ASCC3: variants seen among roughly 807,000 people sequenced by gnomAD.
ASCC3 encodes activating signal cointegrator 1 complex subunit 3.
Under a neutral mutation model 256.3 loss-of-function variants are expected in ASCC3, and 158 were observed. The observed-to-expected ratio is 0.62, with a 90% CI of 0.54 to 0.70. ASCC3 has a LOEUF of 0.70. Among genes scored for constraint, ASCC3 ranks in the 30% least tolerant of loss-of-function variants. ASCC3 has a pLI of 0.00. For synonymous variants in ASCC3, 948 were observed against 883.4 expected (o/e 1.07, Z -1.30); for missense variants, 2,259 against 2,626.0 (o/e 0.86, Z 3.05).
chr6:100,608,120 ATATATACATATATATGTATATATATC>A (rs1773053536), intron 30 of ASCC3, among the ~76,000 whole-genome samples: 1 of 110,698 alleles, frequency 9.0e-6, no homozygotes, highest in African/African-American at 4.0e-5. Flanking sequence ...ATATATATCT[ATATATACATATATATGTATATATATC>A]TATATATACA....
chr6:100,791,258 A>C (rs1769337808), intron 8 of ASCC3, among the ~76,000 whole-genome samples: 1 of 151,914 alleles, frequency 6.6e-6, no homozygotes, highest in South Asian at 2.1e-4. Flanking sequence ...GAATAAACTG[A>C]GAATTTTAAA....
intron 36 of ASCC3, among the ~76,000 whole-genome samples, chr6:100,587,180 GCTTCT>G (rs1404594706): frequency 2.6e-5 from 4 of 151,992 alleles, no homozygotes; most frequent in African/African-American, 9.7e-5. Flanking sequence ...GCACCCTACA[GCTTCT>G]GTCTGACTAC....
chr6:100,591,559 A>T (rs1772000209), intron 34 of ASCC3, among the ~76,000 whole-genome samples: 1 of 152,042 alleles, frequency 6.6e-6, no homozygotes, highest in Admixed American at 6.6e-5. Flanking sequence ...AATTCAAAAC[A>T]CTAGTCAAAA....
At chr6:100,650,801 A>C (rs1043913356) in intron 19 of ASCC3, 87 bp from the exon 20 acceptor site, 2 of 1,064,340 alleles carry the variant, frequency 1.9e-6, no homozygotes, top group Non-Finnish European at 2.8e-6. Flanking sequence ...CATGTTTTTA[A>C]AGAGTTTCCA....
intron 4 of ASCC3, among the ~76,000 whole-genome samples, chr6:100,817,613 T>TA (rs35771171): frequency 6.6e-6 from 1 of 151,386 alleles, no homozygotes; most frequent in Non-Finnish European, 1.5e-5. Context: ...TTGAAAGAAG[T>TA]AAAAAAAGAT....
intron 4 of ASCC3, among the ~76,000 whole-genome samples, chr6:100,813,409 G>T (rs1384193836): frequency 6.6e-6 from 1 of 151,620 alleles, no homozygotes; most frequent in African/African-American, 2.4e-5. Flanking sequence ...GTGAGCTGAG[G>T]TTGTGCCATT....
rs1281659979 is a variant in ASCC3 at position 100,805,801 on chromosome 6, A to C, written c.881T>G (p.Phe294Cys). Reference sequence around the variant, plus strand: ...CCTATGATCATTTGAAGAATTAAGAAATCTATCCACAATTGTAATTCTGTT... The same window carrying C: ...CCTATGATCATTTGAAGAATTAAGACATCTATCCACAATTGTAATTCTGTT... ...LQNRITIVDR[F>C]LNSSNDHRFQ... is the part of the protein sequence containing the mutation. Residue 294 changes from phenylalanine (F) to cysteine (C), a missense_variant, in exon 5 of 42, where the codon TTT (phenylalanine) becomes TGT (cysteine). Coordinates refer to ENST00000369162, the MANE Select transcript of ASCC3 (RefSeq NM_006828.4). 1 of 1,611,472 alleles carries C rather than the reference A, an allele frequency of 6.2e-7. No individual in the cohort carries two copies. The highest frequency in any genetic ancestry group is 8.5e-7 in the Non-Finnish European group (1 of 1,178,632).
rs371769401 is a variant in ASCC3, at chr6:100,848,105, A to G, written c.801+43T>C. The G allele has an allele frequency of 2.7e-6, 4 of 1,503,994 alleles. No individual in the cohort carries two copies. The African/African-American group carries it at 5.6e-5, about 21-fold the overall frequency. The allele number at this position is 1,503,994 out of a possible 1,614,324, so 93.2% of individuals were successfully genotyped here. A position where few individuals can be genotyped will look rare whatever the true frequency, so the allele number is the denominator to read the frequency against. On this transcript the variant is annotated intron_variant, in intron 4 of 41. Coordinates refer to ENST00000369162, the MANE Select transcript of ASCC3 (RefSeq NM_006828.4). ...GTTTAAAAAACACTATTTCATTAGG[A>G]TAGTTCACATTAATATAAAAAAATA...
At chr6:100,826,817 A>G (rs943369088) in intron 4 of ASCC3, among the ~76,000 whole-genome samples, 1 of 152,222 alleles carries the variant, frequency 6.6e-6, no homozygotes, top group Admixed American at 6.5e-5. Flanking sequence ...TACTAATTCC[A>G]TCTAAACTGT....
At chr6:100,510,560 G>C (rs1435288549) in intron 40 of ASCC3, among the ~76,000 whole-genome samples, 1 of 152,078 alleles carries the variant, frequency 6.6e-6, no homozygotes, top group Non-Finnish European at 1.5e-5. Context: ...ATCAAGACTA[G>C]ACTCTGGACC....
intron 8 of ASCC3, among the ~76,000 whole-genome samples, chr6:100,778,512 AG>A (rs1332055363): frequency 6.6e-6 from 1 of 152,144 alleles, no homozygotes; most frequent in Non-Finnish European, 1.5e-5. Flanking sequence ...TTTAGTTGTT[AG>A]AAATCTTCTT....
At chr6:100,790,783 T>A (rs1264999280) in intron 8 of ASCC3, among the ~76,000 whole-genome samples, 2 of 151,974 alleles carry the variant, frequency 1.3e-5, no homozygotes, top group Non-Finnish European at 2.9e-5. Context: ...TTTGTTTGAT[T>A]ACTTTACTCC....
At chr6:100,585,134 T>C (rs1229453211) in intron 36 of ASCC3, among the ~76,000 whole-genome samples, 2 of 152,344 alleles carry the variant, frequency 1.3e-5, no homozygotes. Flanking sequence ...CCTGCCTTGC[T>C]AGATTGGGGA....
intron 3 of ASCC3, among the ~76,000 whole-genome samples, chr6:100,852,266 A>C (rs1772718511): frequency 6.6e-6 from 1 of 152,178 alleles, no homozygotes; most frequent in African/African-American, 2.4e-5. Flanking sequence ...CCTCAACAAA[A>C]ATGTAATTGG....
chr6:100,833,782 C>T (rs568559039), intron 4 of ASCC3, among the ~76,000 whole-genome samples: 3 of 152,180 alleles, frequency 2.0e-5, no homozygotes, highest in Non-Finnish European at 2.9e-5. Flanking sequence ...TGGCAGGACG[C>T]GCGCTTTTAA....
At chr6:100,602,376 C>A (rs895749340) in intron 33 of ASCC3, among the ~76,000 whole-genome samples, 3 of 151,988 alleles carry the variant, frequency 2.0e-5, no homozygotes, top group Admixed American at 2.0e-4. Flanking sequence ...GTGCCTGTCA[C>A]ATGGTATGTA....
At chr6:100,737,062 G>T (rs560274444) in intron 10 of ASCC3, among the ~76,000 whole-genome samples, 3 of 151,554 alleles carry the variant, frequency 2.0e-5, no homozygotes, top group Non-Finnish European at 4.4e-5. Context: ...CAGGAGAATT[G>T]CTTGAACCCG....
rs368358705 is a variant in ASCC3 at position 100,739,817 on chromosome 6, TTC to T, written c.1738-14116_1738-14115del. Among the ~76,000 whole-genome samples, 25 of 152,180 alleles carry T rather than the reference TTC, an allele frequency of 1.6e-4. No homozygotes were observed. The East Asian group carries it at 2.9e-3, about 18-fold the overall frequency. ...TCATTTCTGATTGTGTTTGATTCTT[TTC>T]TCTTTTCTTCTTTATTAGTCTAGCT... is the stretch of plus-strand genomic sequence containing the variant. On this transcript the variant is annotated intron_variant, in intron 10 of 41. Coordinates refer to ENST00000369162, the MANE Select transcript of ASCC3 (RefSeq NM_006828.4).
At chr6:100,543,098 C>A (rs977210482) in intron 36 of ASCC3, among the ~76,000 whole-genome samples, 1 of 151,964 alleles carries the variant, frequency 6.6e-6, no homozygotes, top group African/African-American at 2.4e-5. Context: ...GTTCCAGGAC[C>A]CCCTACAGAT....
Sources: allele counts gnomAD v4.1 joint callset (sites outside exome capture counted in the v4.1 genomes callset), GRCh38; gene constraint gnomAD v4.1.1; transcripts MANE v1.5; gene names NCBI Gene and HGNC (gene_info 2026-07-23, HGNC 2026-07-21).